Variants in EXOC4 observed in about 807,000 individuals in gnomAD.
EXOC4 encodes exocyst complex component 4.
EXOC4 carries 71 observed loss-of-function variants against 107.2 expected under a neutral mutation model. That is an observed-to-expected ratio of 0.66 (90% CI 0.55 to 0.81). EXOC4 has a LOEUF of 0.81. EXOC4 is among the 30% of genes least tolerant of loss of function. The pLI is 0.00. For synonymous variants in EXOC4, 456 were observed against 441.2 expected (o/e 1.03, Z -0.42); for missense variants, 1,108 against 1,189.6 (o/e 0.93, Z 1.01).
intron 9 of EXOC4, among the ~76,000 whole-genome samples, chr7:133,571,625 A>G (rs531594523): frequency 6.6e-6 from 1 of 151,860 alleles, no homozygotes; most frequent in African/African-American, 2.4e-5. Flanking sequence ...CAGTGAGCCA[A>G]GATGGCACCA....
intron 10 of EXOC4, among the ~76,000 whole-genome samples, chr7:133,677,320 G>A (rs530906387): frequency 5.3e-5 from 8 of 152,048 alleles, no homozygotes; most frequent in South Asian, 2.1e-4. Context: ...TCAAAGTGCC[G>A]TATGCAGGTG....
At chr7:134,056,707 A>G (rs1269553805) in intron 17 of EXOC4, among the ~76,000 whole-genome samples, 7 of 152,234 alleles carry the variant, frequency 4.6e-5, no homozygotes, top group African/African-American at 1.7e-4. Flanking sequence ...AGAGAGTGAC[A>G]TATGAATCCT....
At chr7:133,428,679 T>C (rs1797782430) in intron 7 of EXOC4, among the ~76,000 whole-genome samples, 1 of 152,250 alleles carries the variant, frequency 6.6e-6, no homozygotes, top group East Asian at 1.9e-4. Flanking sequence ...AAGACTTGTT[T>C]AGTATAATAT....
At chr7:133,812,679 A>G (rs2151209515) in intron 10 of EXOC4, among the ~76,000 whole-genome samples, 1 of 152,348 alleles carries the variant, frequency 6.6e-6, no homozygotes, top group Admixed American at 6.5e-5. Flanking sequence ...TGAAATACAT[A>G]TACGTTGTGG....
the EXOC4 span, among the ~76,000 whole-genome samples, chr7:134,087,724 T>C: frequency 6.6e-6 from 1 of 152,142 alleles, no homozygotes; most frequent in Non-Finnish European, 1.5e-5. Flanking sequence ...TAGTCTTAAT[T>C]ACAGGAAATA....
intron 10 of EXOC4, among the ~76,000 whole-genome samples, chr7:133,685,623 G>T (rs1386845147): frequency 6.6e-6 from 1 of 152,102 alleles, no homozygotes; most frequent in Non-Finnish European, 1.5e-5. Context: ...TTAAGAAATA[G>T]AAATTGAATA....
rs192165005 is a variant in EXOC4 at position 133,676,912 on chromosome 7, G to A, written c.1514+46771G>A. Among the ~76,000 whole-genome samples the A allele has an allele frequency of 2.5e-3, 358 of 143,302 alleles. 5 individuals carry two copies. Among genetic ancestry groups the A allele is most frequent in the African/African-American group, 8.6e-3 (333 of 38,610 alleles). 94.0% of individuals were successfully genotyped at this position (143,302 alleles called of 152,430 possible). Reference sequence around the variant, plus strand: ...TTAATCAAAAAATAAATTATTGGGGGGTATGTAGTAAACTCTGTGTGTGTG... The same window carrying A: ...TTAATCAAAAAATAAATTATTGGGGAGTATGTAGTAAACTCTGTGTGTGTG... On this transcript the variant is annotated intron_variant, in intron 10 of 17. Coordinates refer to ENST00000253861, the MANE Select transcript of EXOC4 (RefSeq NM_021807.4).
At chr7:133,764,075 C>T (rs754874483) in intron 10 of EXOC4, among the ~76,000 whole-genome samples, 2 of 152,024 alleles carry the variant, frequency 1.3e-5, no homozygotes, top group African/African-American at 2.4e-5. Context: ...ATACTCACTC[C>T]CTTATAGGTT....
chr7:133,335,561 T>A (rs150438453), intron 5 of EXOC4, among the ~76,000 whole-genome samples: 47 of 152,342 alleles, frequency 3.1e-4, no homozygotes, highest in African/African-American at 9.6e-4. Flanking sequence ...TGAATAATAC[T>A]CCATTGTATA....
intron 17 of EXOC4, among the ~76,000 whole-genome samples, chr7:134,019,422 T>TGATGATGATGATGAC (rs1238217985): frequency 6.6e-6 from 1 of 151,460 alleles, no homozygotes; most frequent in Non-Finnish European, 1.5e-5. Context: ...TCAGTGATGA[T>TGATGATGATGATGAC]GATGATGATG....
intron 9 of EXOC4, among the ~76,000 whole-genome samples, chr7:133,620,722 TC>T (rs772937631): frequency 6.6e-6 from 1 of 151,878 alleles, no homozygotes; most frequent in Non-Finnish European, 1.5e-5. Context: ...GAAGTAGGGT[TC>T]CCCAGCTCAC....
At chr7:133,987,313 T>A (rs1036554738) in intron 14 of EXOC4, among the ~76,000 whole-genome samples, 2 of 150,012 alleles carry the variant, frequency 1.3e-5, no homozygotes, top group Non-Finnish European at 3.0e-5. Flanking sequence ...AATTAAAAAA[T>A]TAGCCAGGCG....
intron 9 of EXOC4, among the ~76,000 whole-genome samples, chr7:133,502,585 A>G (rs561438547): frequency 3.8e-4 from 58 of 152,016 alleles, no homozygotes; most frequent in African/African-American, 1.3e-3. Flanking sequence ...TTTTCAAGTC[A>G]CTCAAGACAC....
At chr7:133,790,130 C>A (rs2111524) in intron 10 of EXOC4, among the ~76,000 whole-genome samples, 150,317 of 152,332 alleles carry the variant, frequency 0.99, 74,207 homozygotes, top group Middle Eastern at 1. Flanking sequence ...AAGTCAGCCT[C>A]CTTCACAGTA....
chr7:133,959,785 G>A (rs1310299853), intron 14 of EXOC4, among the ~76,000 whole-genome samples: 1 of 152,052 alleles, frequency 6.6e-6, no homozygotes, highest in East Asian at 1.9e-4. Flanking sequence ...AGTGGCAGAG[G>A]AAGTTAGGTG....
At chr7:134,036,135 A>G (rs1795381859) in intron 17 of EXOC4, among the ~76,000 whole-genome samples, 1 of 152,222 alleles carries the variant, frequency 6.6e-6, no homozygotes, top group Admixed American at 6.5e-5. Flanking sequence ...CAGTAGACCT[A>G]TTACAGACAA....
chr7:133,634,729 G>A (rs1270588546), intron 10 of EXOC4, among the ~76,000 whole-genome samples: 7 of 152,066 alleles, frequency 4.6e-5, no homozygotes, highest in Admixed American at 1.3e-4. Flanking sequence ...TGATCCGCCC[G>A]CCTCGGCCTC....
chr7:133,288,868 G>T (rs1235751600), intron 2 of EXOC4, 54 bp from the exon 3 acceptor site: 1 of 1,503,498 alleles, frequency 6.7e-7, no homozygotes, highest in Non-Finnish European at 9.2e-7. Flanking sequence ...CAGATTATAG[G>T]TTTAGACTGG....
At chr7:134,077,764 T>C in the EXOC4 span, among the ~76,000 whole-genome samples, 1 of 152,270 alleles carries the variant, frequency 6.6e-6, no homozygotes, top group Non-Finnish European at 1.5e-5. Context: ...TCTAGGTTTG[T>C]CTGAGCACAG....
Sources: allele counts gnomAD v4.1 joint callset (sites outside exome capture counted in the v4.1 genomes callset), GRCh38; gene constraint gnomAD v4.1.1; transcripts MANE v1.5; gene names NCBI Gene and HGNC (gene_info 2026-07-23, HGNC 2026-07-21).